Variants in SV2C observed in about 807,000 individuals in gnomAD.
The protein encoded by SV2C is synaptic vesicle glycoprotein 2C.
In SV2C, 49 loss-of-function variants were observed where a neutral mutation model predicts 79.7. That is an observed-to-expected ratio of 0.61 (90% CI 0.49 to 0.78). SV2C has a LOEUF of 0.78. Ranked by LOEUF, SV2C falls within the 30% of genes least tolerant of loss-of-function variation. The probability of loss-of-function intolerance (pLI) is 0.00; values close to 1 mark genes in which losing one functional copy is unlikely to be tolerated. For synonymous variants in SV2C, 334 were observed against 333.2 expected, an observed-to-expected ratio of 1.00 and a Z score of -0.03; for missense variants, 833 against 912.9, an observed-to-expected ratio of 0.91 and a Z score of 1.13.
intron 1 of SV2C, among the ~76,000 whole-genome samples, chr5:76,128,941 C>T (rs909977213): frequency 6.6e-6 from 1 of 152,170 alleles, no homozygotes; most frequent in African/African-American, 2.4e-5. Flanking sequence ...TACAAATCTG[C>T]CATTTTCCTG....
At chr5:75,903,571 C>G in the SV2C span, among the ~76,000 whole-genome samples, 8 of 152,148 alleles carry the variant, frequency 5.3e-5, no homozygotes, top group African/African-American at 1.9e-4. Context: ...TAACCTGAAG[C>G]CTAACTGTAT....
chr5:75,878,462 A>G, the SV2C span, among the ~76,000 whole-genome samples: 128 of 152,302 alleles, frequency 8.4e-4, no homozygotes, highest in African/African-American at 2.8e-3. Context: ...CTGACAAAAC[A>G]TCTGTTAAAA....
At chr5:76,227,050 G>A (rs1307448028) in intron 4 of SV2C, among the ~76,000 whole-genome samples, 2 of 152,206 alleles carry the variant, frequency 1.3e-5, no homozygotes, top group Non-Finnish European at 2.9e-5. Context: ...AGGACCTCAG[G>A]GGCCTTCCGG....
chr5:76,324,940 T>C (rs924376069), intron 12 of SV2C, among the ~76,000 whole-genome samples: 1 of 152,158 alleles, frequency 6.6e-6, no homozygotes, highest in Non-Finnish European at 1.5e-5. Flanking sequence ...GGAAGATTGC[T>C]TGAGCCCAGG....
intron 4 of SV2C, among the ~76,000 whole-genome samples, chr5:76,233,835 G>A (rs1352414977): frequency 4.6e-5 from 7 of 150,750 alleles, no homozygotes; most frequent in African/African-American, 7.5e-5. Flanking sequence ...TGTTGCATTC[G>A]TTTTGCCAGT....
At chr5:76,156,503 A>G (rs977519999) in intron 2 of SV2C, among the ~76,000 whole-genome samples, 1 of 152,128 alleles carries the variant, frequency 6.6e-6, no homozygotes, top group East Asian at 1.9e-4. Context: ...ATGCCAAAAA[A>G]CGGAAAGATA....
At chr5:75,939,170 A>G in the SV2C span, among the ~76,000 whole-genome samples, 1 of 152,058 alleles carries the variant, frequency 6.6e-6, no homozygotes, top group Non-Finnish European at 1.5e-5. Context: ...TCAGCTTTTG[A>G]TATATATTTG....
the SV2C span, among the ~76,000 whole-genome samples, chr5:75,880,582 G>A: frequency 6.6e-6 from 1 of 152,136 alleles, no homozygotes; most frequent in African/African-American, 2.4e-5. Context: ...TTCCCAATAA[G>A]TTCCTCATTT....
the SV2C span, among the ~76,000 whole-genome samples, chr5:75,989,078 C>T: frequency 6.6e-6 from 1 of 151,826 alleles, no homozygotes; most frequent in Middle Eastern, 3.4e-3. Flanking sequence ...GAAATTTAAA[C>T]AAAAAAGGAT....
At chr5:76,060,449 A>G in the SV2C span, among the ~76,000 whole-genome samples, 1 of 152,114 alleles carries the variant, frequency 6.6e-6, no homozygotes, top group Admixed American at 6.6e-5. Context: ...CTTTTGTGTA[A>G]GTGCAGCGTC....
chr5:75,962,225 C>A, the SV2C span, among the ~76,000 whole-genome samples: 1 of 152,102 alleles, frequency 6.6e-6, no homozygotes, highest in Non-Finnish European at 1.5e-5. Context: ...CCCATGTGTT[C>A]TTCAGTAAAC....
the SV2C span, among the ~76,000 whole-genome samples, chr5:75,971,143 C>A: frequency 6.6e-6 from 1 of 152,050 alleles, no homozygotes; most frequent in African/African-American, 2.4e-5. Context: ...GCTAAAAACT[C>A]TCAATAAATT....
chr5:76,107,576 C>T (rs898491839), intron 1 of SV2C, among the ~76,000 whole-genome samples: 1 of 152,142 alleles, frequency 6.6e-6, no homozygotes, highest in Non-Finnish European at 1.5e-5. Context: ...AAAAGGCAAT[C>T]GTCTTGGCTG....
chr5:76,204,086 C>G (rs1449947405), intron 3 of SV2C, among the ~76,000 whole-genome samples: 2 of 152,084 alleles, frequency 1.3e-5, no homozygotes, highest in African/African-American at 2.4e-5. Flanking sequence ...AGCAATCTCC[C>G]CAAGGTCTGT....
chr5:76,263,873 G>A (rs1301568921), intron 4 of SV2C, among the ~76,000 whole-genome samples: 1 of 152,096 alleles, frequency 6.6e-6, no homozygotes, highest in Non-Finnish European at 1.5e-5. Flanking sequence ...TCCTTCGTTT[G>A]AACCTTGGAG....
At chr5:75,905,752 A>G in the SV2C span, among the ~76,000 whole-genome samples, 6 of 151,780 alleles carry the variant, frequency 4.0e-5, no homozygotes, top group Non-Finnish European at 8.8e-5. Context: ...TGTCTGCCCT[A>G]TTTCTTTTCT....
chr5:75,860,773 A>G, the SV2C span, among the ~76,000 whole-genome samples: 2 of 152,238 alleles, frequency 1.3e-5, no homozygotes, highest in Admixed American at 6.5e-5. Flanking sequence ...GAATGCAGAA[A>G]TAAAACCACA....
intron 4 of SV2C, among the ~76,000 whole-genome samples, chr5:76,265,659 C>A (rs753308883): frequency 6.6e-6 from 1 of 152,120 alleles, no homozygotes; most frequent in African/African-American, 2.4e-5. Context: ...ATGAGAAAAG[C>A]GTAGTATCTG....
rs116104772 is a variant in SV2C, at chr5:76,180,261, G to A, written c.581-14658G>A. ...GATTTTTATGCTTTGTTTATTCACT[G>A]TGCTGATATTAATATAAAGGAGACT... is the stretch of plus-strand genomic sequence containing the variant. On this transcript the variant is annotated intron_variant, in intron 2 of 12. Coordinates refer to ENST00000502798, the MANE Select transcript of SV2C (RefSeq NM_014979.4). Among the ~76,000 whole-genome samples, 542 of 152,234 alleles carry A rather than the reference G, an allele frequency of 3.6e-3. 2 individuals are homozygous for A. Among genetic ancestry groups the A allele is most frequent in the African/African-American group, 0.012 (515 of 41,518 alleles).
Sources: allele counts gnomAD v4.1 joint callset (sites outside exome capture counted in the v4.1 genomes callset), GRCh38; gene constraint gnomAD v4.1.1; transcripts MANE v1.5; gene names NCBI Gene and HGNC (gene_info 2026-07-23, HGNC 2026-07-21).